Variants in SEL1L observed in about 807,000 individuals in gnomAD.
SEL1L encodes protein sel-1 homolog 1.
SEL1L carries 52 observed loss-of-function variants against 109.8 expected under a neutral mutation model. The observed-to-expected ratio is 0.47, with a 90% confidence interval of 0.38 to 0.60. The LOEUF (loss-of-function observed/expected upper bound fraction) is 0.60. Among genes scored for constraint, SEL1L ranks in the 20% least tolerant of loss-of-function variants. The pLI, the probability that SEL1L is intolerant of heterozygous loss-of-function variation, is 0.00. For synonymous variants in SEL1L, 373 were observed against 339.6 expected (o/e 1.10, Z -1.08); for missense variants, 749 against 962.2 (o/e 0.78, Z 2.93).
In SEL1L at chr14:81,526,918, C is replaced by G. The variant is rs1258074830; in HGVS notation, c.155G>C (p.Gly52Ala). The change falls in exon 3 of 21, where the codon GGC becomes GCC. Residue 52 changes from glycine to alanine, a missense_variant. By Grantham distance (60) the Gly-to-Ala change is moderately conservative. Coordinates refer to ENST00000336735, the MANE Select transcript of SEL1L (RefSeq NM_005065.6). ...DESVKDHTTA[G>A]RVVAGQIFLD... Reference sequence around the variant, plus strand: ...AAATATTTGACCAGCAACTACTCTGCCTGCAGTAGTATGGTCCTTTACTGA... The same window carrying G: ...AAATATTTGACCAGCAACTACTCTGGCTGCAGTAGTATGGTCCTTTACTGA... The G allele has an allele frequency of 6.2e-7, 1 of 1,603,076 alleles. No individual in the cohort carries two copies. The highest frequency in any genetic ancestry group is 2.2e-5 in the East Asian group (1 of 44,816).
chr14:81,492,555 G>A lies in SEL1L; in HGVS notation c.1186-7C>T, dbSNP rs770778275. The A allele has an allele frequency of 2.5e-6, 4 of 1,573,980 alleles. No homozygotes were observed. The highest frequency in any genetic ancestry group is 2.6e-6 in the Non-Finnish European group (3 of 1,153,590). On this transcript the variant is annotated splice_region_variant and splice_polypyrimidine_tract_variant and intron_variant, in intron 11 of 20. Transcript: ENST00000336735. ...TGAAGTAGTCAAATGCTCTCTATGA[G>A]AAAAGAATTTATTAAAATAATTAGT...
intron 10 of SEL1L, among the ~76,000 whole-genome samples, chr14:81,497,140 T>C (rs920244165): frequency 6.6e-6 from 1 of 152,236 alleles, no homozygotes; most frequent in African/African-American, 2.4e-5. Context: ...AGATGTTTAA[T>C]TGAACAAGTT....
At chr14:81,492,572 A>AAC in intron 11 of SEL1L, 24 bp from the exon 12 acceptor site, 1 of 1,501,720 alleles carries the variant, frequency 6.7e-7, no homozygotes, top group Non-Finnish European at 9.1e-7. Flanking sequence ...ATTTATTAAA[A>AAC]TAATTAGTTT....
intron 3 of SEL1L, among the ~76,000 whole-genome samples, chr14:81,512,679 A>G (rs544443665): frequency 4.6e-5 from 7 of 152,248 alleles, no homozygotes; most frequent in Admixed American, 1.3e-4. Context: ...TTCTAGTTAC[A>G]TGAGCCAAAT....
At chr14:81,507,939 T>C (rs1330251161) in intron 3 of SEL1L, among the ~76,000 whole-genome samples, 1 of 152,218 alleles carries the variant, frequency 6.6e-6, no homozygotes, top group Admixed American at 6.5e-5. Context: ...GAGCAAATTA[T>C]TTAATCTCTT....
At chr14:81,502,910 A>G (rs1884072505) in intron 5 of SEL1L, 27 bp from the exon 6 acceptor site, 2 of 1,556,568 alleles carry the variant, frequency 1.3e-6, no homozygotes, top group Non-Finnish European at 1.7e-6. Flanking sequence ...TTAAAAACCA[A>G]ATTAGTAATG....
intron 3 of SEL1L, among the ~76,000 whole-genome samples, chr14:81,516,758 C>T (rs1225406544): frequency 6.6e-6 from 1 of 152,154 alleles, no homozygotes; most frequent in Non-Finnish European, 1.5e-5. Flanking sequence ...TAACAAGCCT[C>T]CCTGGTAGAC....
intron 19 of SEL1L, among the ~76,000 whole-genome samples, chr14:81,482,863 C>T (rs989433276): frequency 1.3e-5 from 2 of 152,150 alleles, no homozygotes; most frequent in African/African-American, 4.8e-5. Flanking sequence ...AACAAAGGGC[C>T]TCTAAGTGAC....
rs562879633 is a variant in SEL1L at position 81,508,255 on chromosome 14, C to T, written c.341-2014G>A. 8.3e-4 allele frequency among the ~76,000 whole-genome samples: 127 copies of T among 152,296 alleles called. 1 individual carries two copies. The highest frequency in any genetic ancestry group is 2.9e-3 in the African/African-American group (121 of 41,554). ...TGGTTTACACCAGGTAAATGTCACT[C>T]ATCATCCTGGTAATAAGAGGCAAAT... On this transcript the variant is annotated intron_variant, in intron 3 of 20. Coordinates refer to ENST00000336735, the MANE Select transcript of SEL1L (RefSeq NM_005065.6).
chr14:81,496,927 T>A (rs911693908), intron 10 of SEL1L, among the ~76,000 whole-genome samples: 4 of 152,088 alleles, frequency 2.6e-5, no homozygotes, highest in Admixed American at 2.6e-4. Flanking sequence ...CTTTGGTAAG[T>A]CAAGGATGCA....
In SEL1L at chr14:81,487,523, T is replaced by C; in HGVS notation, c.1499A>G (p.Lys500Arg). 3 of 1,599,478 alleles carry C rather than the reference T, an allele frequency of 1.9e-6. No homozygotes were observed. The highest frequency in any genetic ancestry group is 2.5e-6 in the Non-Finnish European group (3 of 1,177,082). The change falls in exon 16 of 21, where the codon AAG (lysine) becomes AGG (arginine). Residue 500 changes from lysine to arginine, a missense_variant. Around this residue, in one of 2 missense-constraint regions of SEL1L, gnomAD observed 383 missense variants for 562.5 expected, o/e 0.68. Coordinates refer to ENST00000336735, the MANE Select transcript of SEL1L (RefSeq NM_005065.6). Reference protein sequence around the residue: ...GSMYYNGIGVKRDYKQALKYF... With the variant: ...GSMYYNGIGVRRDYKQALKYF... ...CTTCAAGGCCTGTTTATAATCTCTC[T>C]TGACTCCAATGCCATCTGTAAGAAA... is the stretch of plus-strand genomic sequence containing the variant.
chr14:81,527,042 T>A, intron 2 of SEL1L, 78 bp from the exon 3 acceptor site: 1 of 1,006,496 alleles, frequency 9.9e-7, no homozygotes, highest in Admixed American at 2.0e-5. Context: ...TTTTTACTAA[T>A]CCAGATATCA....
intron 11 of SEL1L, among the ~76,000 whole-genome samples, chr14:81,493,712 CACT>C (rs1377164808): frequency 6.6e-6 from 1 of 152,138 alleles, no homozygotes. Flanking sequence ...GGCTTCCATA[CACT>C]ACATCAAAAA....
At chr14:81,499,578 G>T in intron 7 of SEL1L, 31 bp downstream of exon 7, 1 of 1,609,364 alleles carries the variant, frequency 6.2e-7, no homozygotes, top group East Asian at 2.2e-5. Context: ...AATTCAAATT[G>T]TAATATGCAA....
chr14:81,481,591 AAAT>A (rs1325681907), intron 19 of SEL1L, among the ~76,000 whole-genome samples: 2 of 152,220 alleles, frequency 1.3e-5, no homozygotes, highest in African/African-American at 4.8e-5. Flanking sequence ...AAAACTTATC[AAAT>A]AATATGATGA....
chr14:81,531,902 G>A (rs115432043), intron 1 of SEL1L, among the ~76,000 whole-genome samples: 1,754 of 152,272 alleles, frequency 0.012, 44 homozygotes, highest in African/African-American at 0.04. Flanking sequence ...CTTTTAGCAT[G>A]CACATCTACA....
At chr14:81,526,114 T>C (rs1885102104) in intron 3 of SEL1L, among the ~76,000 whole-genome samples, 1 of 152,126 alleles carries the variant, frequency 6.6e-6, no homozygotes, top group Non-Finnish European at 1.5e-5. Context: ...ATTGAAATAA[T>C]AAATGACAGA....
At chr14:81,510,215 T>G (rs1362466505) in intron 3 of SEL1L, among the ~76,000 whole-genome samples, 1 of 151,738 alleles carries the variant, frequency 6.6e-6, no homozygotes, top group African/African-American at 2.4e-5. Context: ...TGGAGAAGAG[T>G]AGATTTAGCA....
At chr14:81,485,856 A>T in intron 17 of SEL1L, 110 bp from the exon 18 acceptor site, 5 of 862,132 alleles carry the variant, frequency 5.8e-6, no homozygotes, top group Non-Finnish European at 9.3e-6. Flanking sequence ...AACAAGAATT[A>T]GGATATAAAA....
Sources: allele counts gnomAD v4.1 joint callset (sites outside exome capture counted in the v4.1 genomes callset), GRCh38; gene constraint gnomAD v4.1.1; regional missense constraint gnomAD v4.1.1; transcripts MANE v1.5; gene names NCBI Gene and HGNC (gene_info 2026-07-23, HGNC 2026-07-21).